The following FHIP1A variants were observed in gnomAD, a reference collection of about 807,000 sequenced individuals.
FHIP1A encodes the protein FHF complex subunit HOOK interacting protein 1A.
FHIP1A carries 61 observed loss-of-function variants against 88.6 expected under a neutral mutation model. The ratio of observed to expected loss-of-function variants is 0.69; its 90% CI spans 0.56 to 0.85. The LOEUF is 0.85. Ranked by LOEUF, FHIP1A falls within the 40% of genes least tolerant of loss-of-function variation. The pLI, the probability that FHIP1A is intolerant of heterozygous loss-of-function variation, is 0.00. For missense variants in FHIP1A, 1,154 were observed against 1,273.5 expected (o/e 0.91, Z 1.43); for synonymous variants, 478 against 496.0 (o/e 0.96, Z 0.48).
chr4:151,490,630 G>T (rs1330114759), intron 3 of FHIP1A, among the ~76,000 whole-genome samples: 1 of 152,042 alleles, frequency 6.6e-6, no homozygotes, highest in Non-Finnish European at 1.5e-5. Context: ...ACCCAGCAAT[G>T]AATCCAAACC....
chr4:151,638,578 A>AAC, intron 8 of FHIP1A, 99 bp from the exon 9 acceptor site: 1 of 631,958 alleles, frequency 1.6e-6, no homozygotes. Flanking sequence ...AAAAAAAAAA[A>AAC]GGCCATTATA....
At chr4:151,435,382 T>TA (rs890281496) in intron 1 of FHIP1A, among the ~76,000 whole-genome samples, 1 of 152,176 alleles carries the variant, frequency 6.6e-6, no homozygotes, top group Non-Finnish European at 1.5e-5. Flanking sequence ...ATCTTATAAA[T>TA]AAAAATCTTT....
chr4:151,545,369 CTTTTTT>C (rs569126288), intron 3 of FHIP1A, among the ~76,000 whole-genome samples: 1 of 81,652 alleles, frequency 1.2e-5, no homozygotes, highest in African/African-American at 5.1e-5. Context: ...CCTTATCCTT[CTTTTTT>C]TTTTTTTTTT....
chr4:151,586,966 T>A (rs1734240632), intron 6 of FHIP1A, among the ~76,000 whole-genome samples, 167 bp downstream of exon 6: 1 of 152,236 alleles, frequency 6.6e-6, no homozygotes, highest in Non-Finnish European at 1.5e-5. Flanking sequence ...AATGTTAGTT[T>A]GTAGGTTTCT....
chr4:151,423,957 C>T (rs1733269602), intron 1 of FHIP1A, among the ~76,000 whole-genome samples: 1 of 152,124 alleles, frequency 6.6e-6, no homozygotes, highest in Non-Finnish European at 1.5e-5. Context: ...AAATCTAAAC[C>T]ATATAGAAGG....
At chr4:151,447,861 G>T (rs1561499117) in intron 1 of FHIP1A, among the ~76,000 whole-genome samples, 1 of 152,164 alleles carries the variant, frequency 6.6e-6, no homozygotes, top group African/African-American at 2.4e-5. Flanking sequence ...AACCTCAGGA[G>T]AAACCAACCT....
intron 7 of FHIP1A, among the ~76,000 whole-genome samples, chr4:151,616,615 A>AT (rs976777407): frequency 3.3e-5 from 5 of 150,890 alleles, no homozygotes; most frequent in Admixed American, 6.6e-5. Flanking sequence ...CACCTGGCTA[A>AT]TTTTTTTTGT....
chr4:151,615,408 A>T (rs1215884138), intron 7 of FHIP1A, among the ~76,000 whole-genome samples: 1 of 152,222 alleles, frequency 6.6e-6, no homozygotes, highest in Non-Finnish European at 1.5e-5. Flanking sequence ...ATTTTACTCT[A>T]TCAAGGTGAA....
intron 7 of FHIP1A, among the ~76,000 whole-genome samples, chr4:151,621,884 T>C (rs1735760526): frequency 6.6e-6 from 1 of 152,130 alleles, no homozygotes; most frequent in Non-Finnish European, 1.5e-5. Flanking sequence ...CAATGAAATG[T>C]TATTCACTAT....
At position 151,433,321 on chromosome 4, in the gene FHIP1A, A is replaced by C. The variant is rs185564890; in HGVS notation, c.-355-21380A>C. 3.3e-5 allele frequency among the ~76,000 whole-genome samples: 5 copies of C among 151,582 alleles called. No homozygotes were observed. In the East Asian group the frequency reaches 9.7e-4, roughly 29 times the overall value. Reference sequence around the variant, plus strand: ...GATGGTGACCCTGGGGCTAGAGAAAATGTGATGGGTCCCTGTGGAGGTAGG... The same window carrying C: ...GATGGTGACCCTGGGGCTAGAGAAACTGTGATGGGTCCCTGTGGAGGTAGG... On this transcript the variant is annotated intron_variant, in intron 1 of 13. Transcript: ENST00000435205.
chr4:151,479,811 T>TAGACA (rs1434848025), intron 2 of FHIP1A, among the ~76,000 whole-genome samples: 59 of 152,236 alleles, frequency 3.9e-4, no homozygotes, highest in Admixed American at 1.2e-3. Context: ...ATTAGCATAT[T>TAGACA]TCTGAACTTG....
At position 151,543,101 on chromosome 4, in the gene FHIP1A, G is replaced by T. The variant is rs115728886; in HGVS notation, c.-122-23037G>T. ...ACTCTTTCCTATGTGAATTTGTTTA[G>T]CTCTTACAATAACTCCATGAAGAAA... On this transcript the variant is annotated intron_variant, in intron 3 of 13. Transcript: ENST00000435205. Among the ~76,000 whole-genome samples the T allele has an allele frequency of 3.3e-3, 507 of 152,232 alleles. 1 individual carries two copies. Among genetic ancestry groups the T allele is most frequent in the Non-Finnish European group, 5.3e-3 (359 of 68,006 alleles).
At chr4:151,462,147 T>C (rs947125500) in intron 2 of FHIP1A, among the ~76,000 whole-genome samples, 2 of 152,102 alleles carry the variant, frequency 1.3e-5, no homozygotes, top group African/African-American at 4.8e-5. Context: ...GGCAACAGAG[T>C]GAGACCCTGT....
At position 151,650,333 on chromosome 4, in the gene FHIP1A, C is replaced by G. The variant is rs74456691; in HGVS notation, c.2292C>G (p.Ser764=). The G allele has an allele frequency of 6.4e-7, 1 of 1,551,596 alleles. No homozygotes were observed. The highest frequency in any genetic ancestry group is 8.7e-7 in the Non-Finnish European group (1 of 1,147,018). ...QYDQIIKELD[S]GAEGLMEQNY... Reference sequence around the variant, plus strand: ...ACCAAATCATTAAAGAGCTGGATTCCGGCGCCGAGGGCTTGATGGAACAGA... The same window carrying G: ...ACCAAATCATTAAAGAGCTGGATTCGGGCGCCGAGGGCTTGATGGAACAGA... The change falls in exon 11 of 14, where the codon TCC becomes TCG. Residue 764 remains serine (S), a synonymous_variant. Coordinates refer to ENST00000435205, the MANE Select transcript of FHIP1A (RefSeq NM_001109977.3).
At chr4:151,421,537 C>T (rs1482791806) in intron 1 of FHIP1A, among the ~76,000 whole-genome samples, 2 of 152,208 alleles carry the variant, frequency 1.3e-5, no homozygotes, top group Non-Finnish European at 2.9e-5. Context: ...TCTTTCCCCA[C>T]ATAAGAATGT....
chr4:151,629,917 C>T (rs1736092826), intron 8 of FHIP1A, 48 bp downstream of exon 8: 1 of 1,426,700 alleles, frequency 7.0e-7, no homozygotes, highest in Admixed American at 2.5e-5. Context: ...GAACAGATTT[C>T]AGGAGAGTTT....
At position 151,669,463 on chromosome 4, in the gene FHIP1A, G is replaced by A. The variant is rs183178556; in HGVS notation, c.*6709G>A. ...TCTGGAAAGATCTTCGATGCTTTCT[G>A]TAAGGTTTAGTCACCAAGAAGCCAG... On this transcript the variant is annotated 3_prime_UTR_variant, in exon 14 of 14. Coordinates refer to ENST00000435205, the MANE Select transcript of FHIP1A (RefSeq NM_001109977.3). Among the ~76,000 whole-genome samples the A allele has an allele frequency of 1.2e-3, 180 of 152,304 alleles. No homozygotes were observed. Among genetic ancestry groups the A allele is most frequent in the Non-Finnish European group, 1.2e-3 (84 of 68,030 alleles).
chr4:151,521,880 A>G (rs1731459284), intron 3 of FHIP1A, among the ~76,000 whole-genome samples: 1 of 151,982 alleles, frequency 6.6e-6, no homozygotes, highest in African/African-American at 2.4e-5. Context: ...ATGTGCCACC[A>G]TGCCTGGCTA....
At chr4:151,532,412 G>C (rs1053414003) in intron 3 of FHIP1A, among the ~76,000 whole-genome samples, 1 of 152,186 alleles carries the variant, frequency 6.6e-6, no homozygotes, top group African/African-American at 2.4e-5. Context: ...CAGTTTTCAT[G>C]GACAAGGTAC....
Sources: gnomAD v4.1 joint callset for allele counts (sites outside exome capture counted in the v4.1 genomes callset) on GRCh38, gnomAD v4.1.1 for gene constraint, MANE v1.5 for transcripts, NCBI Gene and HGNC (gene_info 2026-07-23, HGNC 2026-07-21) for gene names.